The following PCLO variants were observed in gnomAD, a reference collection of about 807,000 sequenced individuals.
PCLO encodes piccolo presynaptic cytomatrix protein.
Under a neutral mutation model 427.5 loss-of-function variants are expected in PCLO, and 82 were observed. That is an observed-to-expected ratio of 0.19 (90% confidence interval 0.16 to 0.23). PCLO has a LOEUF of 0.23. Ranked by LOEUF, PCLO falls within the 10% of genes least tolerant of loss-of-function variation. PCLO has a pLI of 1.00. For missense variants in PCLO, 6,239 were observed against 6,115.9 expected, an observed-to-expected ratio of 1.02 and a Z score of -0.67; for synonymous variants, 2,357 against 2,155.4, an observed-to-expected ratio of 1.09 and a Z score of -2.59.
Position 82,845,435 on chromosome 7 carries a change from G to T in PCLO, c.13882C>A (p.Leu4628Ile). The T allele has an allele frequency of 6.2e-7, 1 of 1,613,188 alleles. No homozygotes were observed. The highest frequency in any genetic ancestry group is 8.5e-7 in the Non-Finnish European group (1 of 1,179,522). Residue 4628 changes from leucine (L) to isoleucine (I), a missense_variant, in exon 13 of 25, where the codon CTC (leucine) becomes ATC (isoleucine). Physicochemically the swap from Leu to Ile is conservative, Grantham distance 5. This residue lies in a region of PCLO where 877 missense variants were observed against 925.5 expected (regional missense o/e 0.95). Coordinates refer to ENST00000333891, the MANE Select transcript of PCLO (RefSeq NM_033026.6). ...GVDPKQLAAELQKVSLQQSPL... is the reference protein window; with the variant it reads ...GVDPKQLAAEIQKVSLQQSPL... ...GACTGCTGTAGTGAAACCTTCTGGA[G>T]TTCTGCTGCCAACTGCTTAGGATCA...
rs766909210 is a variant in PCLO at position 83,155,571 on chromosome 7, C to A, written c.1070G>T (p.Gly357Val). Residue 357 changes from glycine (G) to valine (V), a missense_variant, in exon 2 of 25, where the codon GGG becomes GTG. Physicochemically the swap from Gly to Val is moderately radical, Grantham distance 109. This residue lies in a region of PCLO where 4,677 missense variants were observed against 4,468.4 expected (regional missense o/e 1.05). Transcript: ENST00000333891. ...AGGCTGAGCTGGAGGCTTTGTTGTC[C>A]CTGGTGGCTGGACTGGGGGTTTCAC... ...GTVKPPVQPP[G>V]TTKPPAQPLG... The A allele has an allele frequency of 6.2e-7, 1 of 1,612,066 alleles. No homozygotes were observed. Among genetic ancestry groups the A allele is most frequent in the South Asian group, 1.1e-5 (1 of 90,852 alleles).
At position 82,916,434 on chromosome 7, in the gene PCLO, T is replaced by C. The variant is rs1030340398; in HGVS notation, c.11552A>G (p.His3851Arg). The C allele has an allele frequency of 1.2e-6, 2 of 1,613,624 alleles. No homozygotes were observed. The highest frequency in any genetic ancestry group is 8.5e-7 in the Non-Finnish European group (1 of 1,179,774). The stretch of plus-strand genomic sequence containing the variant: ...AGCAGTTCTTGGTCGCTCAATGCCA[T>C]GCTGACTTTCTATTCGGGTTGGTCT... ...STRPTRIESQ[H>R]GIERPRTAPQ... Residue 3851 changes from histidine (H) to arginine (R), a missense_variant, in exon 7 of 25, where the codon CAT becomes CGT. By Grantham distance (29) the His-to-Arg change is conservative. Coordinates refer to ENST00000333891, the MANE Select transcript of PCLO (RefSeq NM_033026.6).
At chr7:83,017,677 T>C (rs1197061541) in intron 3 of PCLO, among the ~76,000 whole-genome samples, 1 of 151,898 alleles carries the variant, frequency 6.6e-6, no homozygotes, top group Admixed American at 6.6e-5. Flanking sequence ...CTCTTTTGCA[T>C]CCTGAATAAT....
intron 3 of PCLO, among the ~76,000 whole-genome samples, chr7:83,086,788 T>C (rs554649559): frequency 2.0e-5 from 3 of 152,040 alleles, no homozygotes; most frequent in Non-Finnish European, 4.4e-5. Context: ...TTGTTTATAT[T>C]AGTAATAATT....
intron 3 of PCLO, among the ~76,000 whole-genome samples, chr7:83,023,476 TATATG>T (rs1273439402): frequency 3.3e-5 from 5 of 152,130 alleles, no homozygotes; most frequent in African/African-American, 9.7e-5. Context: ...CATTGCCAAG[TATATG>T]ACATTTTGAT....
At chr7:82,911,742 G>A (rs556572451) in intron 7 of PCLO, among the ~76,000 whole-genome samples, 122 of 151,876 alleles carry the variant, frequency 8.0e-4, no homozygotes, top group Non-Finnish European at 1.5e-3. Flanking sequence ...CCTGCCTCAG[G>A]CTCCCAAGTA....
chr7:83,115,874 T>C (rs994706827), intron 3 of PCLO, among the ~76,000 whole-genome samples: 4 of 151,956 alleles, frequency 2.6e-5, no homozygotes, highest in African/African-American at 9.7e-5. Flanking sequence ...AAATTAAACC[T>C]TGGGGTGTCT....
intron 3 of PCLO, among the ~76,000 whole-genome samples, chr7:82,971,885 A>AT (rs560968407): frequency 2.7e-5 from 4 of 150,940 alleles, no homozygotes; most frequent in Admixed American, 2.6e-4. Flanking sequence ...GACTGCTTCC[A>AT]TTTTTTTTCC....
intron 7 of PCLO, among the ~76,000 whole-genome samples, chr7:82,911,904 A>C (rs1391770930): frequency 6.6e-6 from 1 of 152,162 alleles, no homozygotes; most frequent in Non-Finnish European, 1.5e-5. Flanking sequence ...TACAGGCGTG[A>C]GCCACCACGT....
At chr7:82,817,874 T>G (rs1187327800) in intron 20 of PCLO, among the ~76,000 whole-genome samples, 1 of 152,174 alleles carries the variant, frequency 6.6e-6, no homozygotes, top group Non-Finnish European at 1.5e-5. Context: ...TATTTCTAAA[T>G]TTAAAACTCA....
At chr7:83,017,075 G>A (rs1788227545) in intron 3 of PCLO, among the ~76,000 whole-genome samples, 1 of 151,956 alleles carries the variant, frequency 6.6e-6, no homozygotes, top group Admixed American at 6.6e-5. Flanking sequence ...CAAAGACTTG[G>A]AAGAAAAATA....
At chr7:83,092,058 TGAGA>T (rs1463132548) in intron 3 of PCLO, among the ~76,000 whole-genome samples, 1 of 152,036 alleles carries the variant, frequency 6.6e-6, no homozygotes, top group Non-Finnish European at 1.5e-5. Context: ...ACATTTTGAA[TGAGA>T]GAGAGAGGAT....
intron 20 of PCLO, among the ~76,000 whole-genome samples, chr7:82,814,050 AC>A (rs922261826): frequency 6.6e-6 from 1 of 151,832 alleles, no homozygotes; most frequent in African/African-American, 2.4e-5. Flanking sequence ...CAAGATAAGA[AC>A]AAAAAATTTT....
intron 3 of PCLO, among the ~76,000 whole-genome samples, chr7:83,007,981 A>C (rs573819730): frequency 6.6e-6 from 1 of 151,792 alleles, no homozygotes; most frequent in East Asian, 1.9e-4. Context: ...ATGATATATA[A>C]TAAAAACTGT....
chr7:82,832,843 A>G (rs980419501), intron 16 of PCLO, among the ~76,000 whole-genome samples: 2 of 143,004 alleles, frequency 1.4e-5, no homozygotes, highest in Non-Finnish European at 3.1e-5. Context: ...ACACACACAC[A>G]CGTTTTTCAA....
At chr7:83,152,849 G>A (rs900131617) in intron 2 of PCLO, among the ~76,000 whole-genome samples, 1 of 151,878 alleles carries the variant, frequency 6.6e-6, no homozygotes, top group Non-Finnish European at 1.5e-5. Flanking sequence ...GTATTATCTC[G>A]TGATTTTTAA....
rs1171276642 is a variant in PCLO at position 82,888,338 on chromosome 7, G to GA, written c.13529-8877dup. Among the ~76,000 whole-genome samples, 3 of 152,012 alleles carry GA rather than the reference G, an allele frequency of 2.0e-5. No homozygotes were observed. In the East Asian group the frequency reaches 5.8e-4, roughly 29 times the overall value. On this transcript the variant is annotated intron_variant, in intron 9 of 24. Coordinates refer to ENST00000333891, the MANE Select transcript of PCLO (RefSeq NM_033026.6). ...CTCTATTTTAAGAGTTGGCTGACGTGAAAAAAATTAGTTTTCTAATAAAAT... is the reference window on the plus strand; with the variant it reads ...CTCTATTTTAAGAGTTGGCTGACGTGAAAAAAAATTAGTTTTCTAATAAAAT...
chr7:82,783,342 T>C (rs1001232077), intron 22 of PCLO, among the ~76,000 whole-genome samples: 50 of 151,702 alleles, frequency 3.3e-4, no homozygotes, highest in African/African-American at 1.2e-3. Context: ...GGGCCGGGTG[T>C]GGTGGCTTAC....
intron 24 of PCLO, among the ~76,000 whole-genome samples, chr7:82,759,211 A>T (rs1049256686): frequency 6.6e-6 from 1 of 151,852 alleles, no homozygotes; most frequent in Non-Finnish European, 1.5e-5. Context: ...TTCTGAAGTC[A>T]TATGCAGAAC....
Sources: allele counts gnomAD v4.1 joint callset (sites outside exome capture counted in the v4.1 genomes callset), GRCh38; gene constraint gnomAD v4.1.1; regional missense constraint gnomAD v4.1.1; transcripts MANE v1.5; gene names NCBI Gene and HGNC (gene_info 2026-07-23, HGNC 2026-07-21).